The following POTEE variants were observed in gnomAD, a reference collection of about 807,000 sequenced individuals.
POTEE encodes the protein POTE ankyrin domain family member E.
A neutral mutation model predicts 74.2 loss-of-function variants in POTEE; 21 were observed. The ratio of observed to expected loss-of-function variants is 0.28; its 90% CI spans 0.20 to 0.41. The LOEUF (loss-of-function observed/expected upper bound fraction) is 0.41. POTEE is among the 10% of genes least tolerant of loss of function. The pLI is 1.00. For synonymous variants in POTEE, 211 were observed against 432.8 expected, an observed-to-expected ratio of 0.49 and a Z score of 6.36; for missense variants, 525 against 1,158.6, an observed-to-expected ratio of 0.45 and a Z score of 7.94.
At position 131,264,874 on chromosome 2, in the gene POTEE, A is replaced by G; in HGVS notation, c.*191A>G. 4 of 1,009,740 alleles carry G rather than the reference A, an allele frequency of 4.0e-6. No individual in the cohort carries two copies. Among genetic ancestry groups the G allele is most frequent in the East Asian group, 5.1e-5 (2 of 39,064 alleles). The allele number at this position is 1,009,740 out of a possible 1,614,324, so 62.5% of individuals were successfully genotyped here. ...AGTCGGTTGGAGGAAGCTTCCTCCA[A>G]AGTTCTACAATGTTGCCAAGGACTT... On this transcript the variant is annotated 3_prime_UTR_variant, in exon 18 of 18. Transcript: ENST00000683005.
Position 131,230,821 on chromosome 2 carries a change from C to T in POTEE, c.1056-15C>T, listed in dbSNP as rs1700930397. ...ATTAAAATAGTAATTTGGTTTATTA[C>T]ATTTTTATACATAGAATTTGCCAGT... On this transcript the variant is annotated splice_polypyrimidine_tract_variant and intron_variant, in intron 8 of 17. Coordinates refer to ENST00000683005, the MANE Select transcript of POTEE (RefSeq NM_001083538.3). 6.6e-7 allele frequency: 1 copy of T among 1,513,140 alleles called. No homozygotes were observed. The highest frequency in any genetic ancestry group is 8.9e-7 in the Non-Finnish European group (1 of 1,121,330). 93.7% of individuals were successfully genotyped at this position (1,513,140 alleles called of 1,614,324 possible). A position where few individuals can be genotyped will look rare whatever the true frequency, so the allele number is the denominator to read the frequency against.
chr2:131,225,250 A>G (rs1377780417), intron 6 of POTEE, among the ~76,000 whole-genome samples: 2 of 152,054 alleles, frequency 1.3e-5, no homozygotes, highest in Admixed American at 1.3e-4. Flanking sequence ...ATATTTGAAA[A>G]TGTTTCCTTG....
Position 131,224,243 on chromosome 2 carries a change from T to A in POTEE, c.810+200T>A, listed in dbSNP as rs568292647. Among the ~76,000 whole-genome samples the A allele has an allele frequency of 4.0e-5, 6 of 151,772 alleles. No individual in the cohort carries two copies. In the East Asian group the frequency reaches 5.9e-4, roughly 15 times the overall value. ...ATTAGAGGGTACAGTTTTTTTTTTT[T>A]AATGCACTTGTGGTAAATACTTTTT... is the stretch of plus-strand genomic sequence containing the variant. On this transcript the variant is annotated intron_variant, in intron 6 of 17. Coordinates refer to ENST00000683005, the MANE Select transcript of POTEE (RefSeq NM_001083538.3).
chr2:131,253,101 TAA>T lies in POTEE; in HGVS notation c.1778+3_1778+4del. The T allele has an allele frequency of 6.3e-7, 1 of 1,588,230 alleles. No individual in the cohort carries two copies. The highest frequency in any genetic ancestry group is 8.6e-7 in the Non-Finnish European group (1 of 1,166,398). On this transcript the variant is annotated splice_donor_region_variant and intron_variant, in intron 16 of 17. Coordinates refer to ENST00000683005, the MANE Select transcript of POTEE (RefSeq NM_001083538.3). ...CACTGAGAATGAAGAGTATCACAGG[TAA>T]GCCTATGGCAACATTGAACAGGAGG...
Position 131,263,999 on chromosome 2 carries a change from T to C in POTEE, c.2544T>C (p.Thr848=). 1 of 1,614,212 alleles carries C rather than the reference T, an allele frequency of 6.2e-7. No individual in the cohort carries two copies. Among genetic ancestry groups the C allele is most frequent in the Non-Finnish European group, 8.5e-7 (1 of 1,180,030 alleles). The change falls in exon 18 of 18, where the codon ACT becomes ACC. Residue 848 remains threonine, a synonymous_variant. Coordinates refer to ENST00000683005, the MANE Select transcript of POTEE (RefSeq NM_001083538.3). ...CGTCCCTGTACACCTCTGGCCGTAC[T>C]ACTGGCATCGTGATGGACTCTGGTG... The part of the protein sequence containing the change: ...AVPSLYTSGR[T]TGIVMDSGDG...
In POTEE at chr2:131,230,861, A is replaced by C; in HGVS notation, c.1081A>C (p.Lys361Gln). 2.8e-6 allele frequency: 4 copies of C among 1,404,038 alleles called. No individual in the cohort carries two copies. The highest frequency in any genetic ancestry group is 3.9e-6 in the Non-Finnish European group (4 of 1,023,898). 87.0% of individuals were successfully genotyped at this position (1,404,038 alleles called of 1,614,324 possible). ...AATTTGCCAGTTACTTTCTGACTAC[A>C]AAGAAAAACAGATGCTAAAAATCTC... ...HVICQLLSDY[K>Q]EKQMLKISSE... The change falls in exon 9 of 18, where the codon AAA becomes CAA. Residue 361 changes from lysine (K) to glutamine (Q), a missense_variant. By Grantham distance (53) the Lys-to-Gln change is moderately conservative. Transcript: ENST00000683005.
At chr2:131,226,720 C>G in intron 6 of POTEE, 103 bp from the exon 7 acceptor site, 2 of 1,556,924 alleles carry the variant, frequency 1.3e-6, no homozygotes, top group Non-Finnish European at 1.8e-6. Context: ...TATTTACTTT[C>G]TATGCGTGTA....
Position 131,218,552 on chromosome 2 carries a change from C to T in POTEE, c.150C>T (p.Asp50=), listed in dbSNP as rs746986270. The T allele has an allele frequency of 3.1e-6, 5 of 1,611,072 alleles. No individual in the cohort carries two copies. The highest frequency in any genetic ancestry group is 1.4e-5 in the African/African-American group (1 of 73,578). Residue 50 remains aspartate, a synonymous_variant, in exon 4 of 18, where the codon GAC becomes GAT. Coordinates refer to ENST00000683005, the MANE Select transcript of POTEE (RefSeq NM_001083538.3). ...ACGTGGGCACTTCTGGAGACCACGA[C>T]GACTCTGCTATGAAGACACTCAGGA... The part of the protein sequence containing the change: ...KSNVGTSGDH[D]DSAMKTLRSK...
chr2:131,258,450 C>G (rs1701620329), intron 16 of POTEE, among the ~76,000 whole-genome samples: 1 of 112,924 alleles, frequency 8.9e-6, no homozygotes, highest in African/African-American at 3.2e-5. Flanking sequence ...AACATAATCT[C>G]CAGTAGGAGA....
chr2:131,215,614 A>C (rs1700430758), intron 2 of POTEE, among the ~76,000 whole-genome samples: 1 of 147,142 alleles, frequency 6.8e-6, no homozygotes, highest in Non-Finnish European at 1.5e-5. Context: ...ATTTGTTCCG[A>C]GAGACCACAG....
chr2:131,233,715 G>GT (rs1228467608), intron 9 of POTEE, among the ~76,000 whole-genome samples: 2 of 150,590 alleles, frequency 1.3e-5, no homozygotes, highest in Non-Finnish European at 2.9e-5. Context: ...TTTTGTAAAT[G>GT]TTTGTGTTCC....
At chr2:131,223,071 G>C (rs1272629153) in intron 4 of POTEE, among the ~76,000 whole-genome samples, 1 of 151,600 alleles carries the variant, frequency 6.6e-6, no homozygotes, top group African/African-American at 2.4e-5. Flanking sequence ...AAAATACAAT[G>C]TTAGCTGTAA....
chr2:131,228,135 G>T (rs1700838247), intron 7 of POTEE, 109 bp from the exon 8 acceptor site: 12 of 1,484,592 alleles, frequency 8.1e-6, no homozygotes, highest in Middle Eastern at 2.5e-4. Flanking sequence ...GTCTTTTAGT[G>T]CATGTAAATG....
At chr2:131,230,447 C>T (rs1410117880) in intron 8 of POTEE, among the ~76,000 whole-genome samples, 1 of 152,130 alleles carries the variant, frequency 6.6e-6, no homozygotes, top group Non-Finnish European at 1.5e-5. Flanking sequence ...TTTATAACAA[C>T]CTAGTGAAAT....
intron 8 of POTEE, chr2:131,229,773 T>C (rs930794027): frequency 6.6e-6 from 1 of 152,162 alleles, no homozygotes. Flanking sequence ...ATAGTGTGAA[T>C]CAAAGCAAAA....
At chr2:131,217,542 C>T (rs535695888) in intron 2 of POTEE, among the ~76,000 whole-genome samples, 47 bp from the exon 3 acceptor site, 217 of 148,142 alleles carry the variant, frequency 1.5e-3, no homozygotes, top group African/African-American at 5.1e-3. Context: ...AAGTTCCAGA[C>T]GCTTAGCCCC....
At chr2:131,220,248 C>T (rs561469347) in intron 4 of POTEE, among the ~76,000 whole-genome samples, 4 of 151,012 alleles carry the variant, frequency 2.6e-5, no homozygotes, top group East Asian at 2.0e-4. Flanking sequence ...TCTGCTGCCC[C>T]GGCTGGAGTG....
intron 4 of POTEE, among the ~76,000 whole-genome samples, chr2:131,219,792 A>G (rs1700559385): frequency 6.6e-6 from 1 of 152,072 alleles, no homozygotes; most frequent in African/African-American, 2.4e-5. Context: ...ACCTAAGCCA[A>G]ATAAAAATAG....
chr2:131,220,459 T>C (rs182933693), intron 4 of POTEE, among the ~76,000 whole-genome samples: 5,966 of 152,028 alleles, frequency 0.039, 409 homozygotes, highest in African/African-American at 0.13. Flanking sequence ...CCACCTTGGC[T>C]TCCCCAAGTG....
Sources: gnomAD v4.1 joint callset for allele counts (sites outside exome capture counted in the v4.1 genomes callset) on GRCh38, gnomAD v4.1.1 for gene constraint, MANE v1.5 for transcripts, NCBI Gene and HGNC (gene_info 2026-07-23, HGNC 2026-07-21) for gene names.